Variants in FRMPD4 observed in about 807,000 individuals in gnomAD.
FRMPD4 encodes FERM and PDZ domain-containing protein 4.
A neutral mutation model predicts 94.1 loss-of-function variants in FRMPD4; 22 were observed. The observed-to-expected ratio is 0.23, with a 90% CI of 0.17 to 0.33. FRMPD4 has a LOEUF of 0.33. Among genes scored for constraint, FRMPD4 ranks in the 10% least tolerant of loss-of-function variants. The pLI is 1.00. For synonymous variants in FRMPD4, 631 were observed against 548.6 expected, an observed-to-expected ratio of 1.15 and a Z score of -2.10; for missense variants, 1,111 against 1,339.9, an observed-to-expected ratio of 0.83 and a Z score of 2.67.
chrX:12,157,752 T>C (rs767612440), intron 1 of FRMPD4, among the ~76,000 whole-genome samples: 1 of 112,522 alleles, frequency 8.9e-6, no homozygotes, highest in African/African-American at 3.2e-5. Context: ...CTAAGTCATA[T>C]ACATTAACCA....
chrX:12,231,018 A>ATAGT (rs60562591), intron 1 of FRMPD4, among the ~76,000 whole-genome samples: 65 of 46,034 alleles, frequency 1.4e-3, no homozygotes, highest in African/African-American at 5.0e-3. Context: ...TAGTATATAT[A>ATAGT]GTATATATAT....
chrX:12,652,089 A>G (rs993625846), intron 4 of FRMPD4, among the ~76,000 whole-genome samples: 1 of 112,777 alleles, frequency 8.9e-6, no homozygotes, highest in Non-Finnish European at 1.9e-5. Context: ...CCATTTGCCA[A>G]TGGTCTTTCT....
intron 14 of FRMPD4, among the ~76,000 whole-genome samples, chrX:12,712,487 G>A (rs1227710679): frequency 2.7e-5 from 3 of 111,053 alleles, no homozygotes; most frequent in Non-Finnish European, 3.8e-5. Flanking sequence ...AGGTCAACGC[G>A]GCTGTGAGCT....
intron 2 of FRMPD4, among the ~76,000 whole-genome samples, chrX:12,521,186 T>A (rs2058158322): frequency 8.9e-6 from 1 of 112,295 alleles, no homozygotes; most frequent in African/African-American, 3.2e-5. Flanking sequence ...GCTGATAGGA[T>A]TTGGCCCACA....
chrX:11,964,276 C>T (rs866545259), intron 3 of FRMPD4, among the ~76,000 whole-genome samples: 15 of 110,159 alleles, frequency 1.4e-4, no homozygotes, highest in African/African-American at 4.0e-4. Flanking sequence ...TCTCCTGCCT[C>T]AGCCTCCCGA....
chrX:11,872,648 C>A (rs1351495993), intron 2 of FRMPD4, among the ~76,000 whole-genome samples: 1 of 112,199 alleles, frequency 8.9e-6, no homozygotes, highest in Admixed American at 9.4e-5. Context: ...AAAATGCAAG[C>A]AGGCTGCTCT....
intron 2 of FRMPD4, among the ~76,000 whole-genome samples, chrX:12,524,855 C>T (rs776905886): frequency 1.8e-5 from 2 of 111,687 alleles, no homozygotes; most frequent in Non-Finnish European, 3.8e-5. Context: ...GCTTGTCCAA[C>T]CCGCAATCCA....
intron 3 of FRMPD4, among the ~76,000 whole-genome samples, chrX:11,988,867 T>C (rs1163056202): frequency 1.8e-5 from 2 of 111,769 alleles, no homozygotes; most frequent in Admixed American, 9.5e-5. Flanking sequence ...CTCAACATCA[T>C]TGAACATCAG....
chrX:12,306,624 A>G (rs1357600436), intron 1 of FRMPD4, among the ~76,000 whole-genome samples: 2 of 112,497 alleles, frequency 1.8e-5, no homozygotes, highest in Non-Finnish European at 3.7e-5. Context: ...TGATTAAGCA[A>G]TTTGGAAAGT....
intron 3 of FRMPD4, among the ~76,000 whole-genome samples, chrX:12,065,528 T>C (rs1034108761): frequency 1.8e-5 from 2 of 111,924 alleles, no homozygotes; most frequent in Non-Finnish European, 3.8e-5. Flanking sequence ...ATATTCCTCC[T>C]TCCTCCCTCT....
At chrX:11,931,243 AT>A (rs955673497) in intron 3 of FRMPD4, among the ~76,000 whole-genome samples, 2 of 111,842 alleles carry the variant, frequency 1.8e-5, no homozygotes, top group Non-Finnish European at 3.8e-5. Flanking sequence ...TTATTTAGTT[AT>A]TTATTACTGC....
chrX:12,056,807 A>T (rs1482483244), intron 3 of FRMPD4, among the ~76,000 whole-genome samples: 2 of 111,774 alleles, frequency 1.8e-5, no homozygotes, highest in Non-Finnish European at 3.8e-5. Context: ...ACATACTAAA[A>T]TTTATTTACC....
chrX:12,106,204 C>T (rs1461468811), intron 3 of FRMPD4, among the ~76,000 whole-genome samples: 1 of 112,364 alleles, frequency 8.9e-6, no homozygotes, highest in Non-Finnish European at 1.9e-5. Context: ...GGTACCATAG[C>T]ATCTCAAGCC....
chrX:12,435,868 C>G (rs1274152949), intron 1 of FRMPD4, among the ~76,000 whole-genome samples: 2 of 111,680 alleles, frequency 1.8e-5, no homozygotes, highest in East Asian at 5.6e-4. Flanking sequence ...TGCTTTTGAT[C>G]TCTTCAGGTT....
chrX:12,235,891 C>T (rs1297226944), intron 1 of FRMPD4, among the ~76,000 whole-genome samples: 2 of 111,658 alleles, frequency 1.8e-5, no homozygotes, highest in African/African-American at 6.5e-5. Context: ...GATAATAGTG[C>T]CAACATCGTA....
At chrX:12,131,816 C>A (rs1417320671) in intron 3 of FRMPD4, among the ~76,000 whole-genome samples, 2 of 111,902 alleles carry the variant, frequency 1.8e-5, no homozygotes, top group African/African-American at 6.5e-5. Context: ...CTTTTGTCAT[C>A]CCTAAAATGG....
intron 1 of FRMPD4, among the ~76,000 whole-genome samples, chrX:11,843,062 G>GT (rs2053548331): frequency 8.9e-6 from 1 of 111,875 alleles, no homozygotes; most frequent in Admixed American, 9.5e-5. Context: ...TGATCACATG[G>GT]TTTTTTGTCC....
intron 2 of FRMPD4, among the ~76,000 whole-genome samples, chrX:12,521,795 GGAGA>G (rs1047593094): frequency 9.0e-6 from 1 of 110,972 alleles, no homozygotes; most frequent in Non-Finnish European, 1.9e-5. Context: ...GGGTGACCCT[GGAGA>G]GAGAGAGATA....
rs191445544 is a variant in FRMPD4 at position 12,351,058 on chromosome X, G to A, written c.42-147622G>A. Among the ~76,000 whole-genome samples, 8 of 110,267 alleles carry A rather than the reference G, an allele frequency of 7.3e-5. No homozygotes were observed. The East Asian group carries it at 2.0e-3, about 27-fold the overall frequency. On this transcript the variant is annotated intron_variant, in intron 1 of 16. Transcript: ENST00000675598. ...GTGTGGTGGCGCGTGCCTGTAATCAGCTACTCGGGAGGCTGAGGTGGGAGA... is the reference window on the plus strand; with the variant it reads ...GTGTGGTGGCGCGTGCCTGTAATCAACTACTCGGGAGGCTGAGGTGGGAGA...
Sources: gnomAD v4.1 joint callset for allele counts (sites outside exome capture counted in the v4.1 genomes callset) on GRCh38, gnomAD v4.1.1 for gene constraint, MANE v1.5 for transcripts, NCBI Gene and HGNC (gene_info 2026-07-23, HGNC 2026-07-21) for gene names.